HOMER1: variants seen among roughly 807,000 people sequenced by gnomAD.
The protein encoded by HOMER1 is homer protein homolog 1.
A neutral mutation model predicts 48.9 loss-of-function variants in HOMER1; 3 were observed. The ratio of observed to expected loss-of-function variants is 0.06; its 90% CI spans 0.03 to 0.16. The LOEUF is 0.16. HOMER1 is among the 10% of genes least tolerant of loss of function. The probability of loss-of-function intolerance (pLI) is 1.00; values close to 1 mark genes in which losing one functional copy is unlikely to be tolerated. For synonymous variants in HOMER1, 134 were observed against 146.4 expected (o/e 0.92, Z 0.61); for missense variants, 247 against 411.4 (o/e 0.60, Z 3.46).
intron 1 of HOMER1, among the ~76,000 whole-genome samples, chr5:79,460,511 C>CTAA (rs1369618150): frequency 6.6e-6 from 1 of 152,062 alleles, no homozygotes; most frequent in Non-Finnish European, 1.5e-5. Flanking sequence ...CAGAACCTTA[C>CTAA]TAAAGAATCG....
intron 5 of HOMER1, among the ~76,000 whole-genome samples, chr5:79,409,824 C>T (rs1399837804): frequency 6.6e-6 from 1 of 152,098 alleles, no homozygotes; most frequent in Admixed American, 6.5e-5. Context: ...AATGAGACAC[C>T]ACCTCACATC....
intron 4 of HOMER1, among the ~76,000 whole-genome samples, chr5:79,446,085 C>G (rs562783644): frequency 2.0e-5 from 3 of 152,282 alleles, no homozygotes; most frequent in African/African-American, 7.2e-5. Context: ...CTAGCTAATT[C>G]TTAAGGACAG....
At chr5:79,415,363 G>A (rs1561354915) in intron 5 of HOMER1, among the ~76,000 whole-genome samples, 1 of 151,856 alleles carries the variant, frequency 6.6e-6, no homozygotes, top group Non-Finnish European at 1.5e-5. Flanking sequence ...AGTTTTTAAA[G>A]AAACAATGTA....
chr5:79,378,342 G>A (rs1055669416), intron 8 of HOMER1, among the ~76,000 whole-genome samples: 2 of 151,150 alleles, frequency 1.3e-5, no homozygotes, highest in African/African-American at 4.9e-5. Context: ...GCAAGAGCCT[G>A]GGAAAATATA....
intron 8 of HOMER1, among the ~76,000 whole-genome samples, chr5:79,386,499 G>A (rs13177852): frequency 0.23 from 35,651 of 152,020 alleles, 5,765 homozygotes; most frequent in East Asian, 0.45. Flanking sequence ...AAAAAAGATC[G>A]GTGAATGGCT....
intron 3 of HOMER1, among the ~76,000 whole-genome samples, chr5:79,447,528 C>G (rs542655841): frequency 6.6e-6 from 1 of 152,200 alleles, no homozygotes; most frequent in African/African-American, 2.4e-5. Context: ...TCACAAGTAT[C>G]CACTTGTAAA....
At chr5:79,379,393 TATAA>T (rs1307320452) in intron 8 of HOMER1, among the ~76,000 whole-genome samples, 11 of 116,998 alleles carry the variant, frequency 9.4e-5, no homozygotes, top group South Asian at 2.3e-4. Flanking sequence ...TTATATATTA[TATAA>T]ATATTTATAT....
At chr5:79,503,752 ATC>A (rs1216503462) in intron 1 of HOMER1, among the ~76,000 whole-genome samples, 1 of 151,836 alleles carries the variant, frequency 6.6e-6, no homozygotes, top group Non-Finnish European at 1.5e-5. Flanking sequence ...AAAGAAGAAA[ATC>A]ATAAGTAAGA....
At chr5:79,474,966 T>C (rs1195645875) in intron 1 of HOMER1, among the ~76,000 whole-genome samples, 1 of 152,186 alleles carries the variant, frequency 6.6e-6, no homozygotes, top group South Asian at 2.1e-4. Context: ...ACAACTTCCA[T>C]CATTTGTCCC....
chr5:79,487,492 C>T (rs374700025), intron 1 of HOMER1, among the ~76,000 whole-genome samples: 1 of 151,984 alleles, frequency 6.6e-6, no homozygotes, highest in Non-Finnish European at 1.5e-5. Context: ...CTCAGCATGC[C>T]GAGATCTAGC....
intron 8 of HOMER1, among the ~76,000 whole-genome samples, chr5:79,378,224 A>AAAAAAAAAAC: frequency 7.4e-6 from 1 of 135,468 alleles, no homozygotes; most frequent in Non-Finnish European, 1.5e-5. Context: ...CTCTGTCTCA[A>AAAAAAAAAAC]AAAAAAAAAA....
intron 5 of HOMER1, among the ~76,000 whole-genome samples, chr5:79,402,651 C>A (rs1426961992): frequency 1.3e-5 from 2 of 152,038 alleles, no homozygotes; most frequent in East Asian, 3.9e-4. Flanking sequence ...GAGTTTCCAC[C>A]CATTCTCTTT....
At chr5:79,411,258 G>A (rs895656260) in intron 5 of HOMER1, among the ~76,000 whole-genome samples, 5 of 152,172 alleles carry the variant, frequency 3.3e-5, no homozygotes, top group Non-Finnish European at 7.3e-5. Flanking sequence ...GTAGAGGAGG[G>A]CAGATCGCTT....
chr5:79,510,325 T>C, intron 1 of HOMER1: 1 of 445,436 alleles, frequency 2.2e-6, no homozygotes, highest in South Asian at 1.9e-5. Context: ...AAATGCATGT[T>C]ATGTGTGGTG....
chr5:79,499,516 T>C (rs1752516573), intron 1 of HOMER1, among the ~76,000 whole-genome samples: 1 of 1,346 alleles, frequency 7.4e-4, no homozygotes, highest in Non-Finnish European at 1.4e-3. Context: ...TTGCTGTAAT[T>C]TGAAAAAACA....
intron 5 of HOMER1, among the ~76,000 whole-genome samples, chr5:79,408,954 C>T (rs531287949): frequency 4.7e-4 from 71 of 151,152 alleles, no homozygotes; most frequent in South Asian, 1.9e-3. Flanking sequence ...TGGTGGTGGG[C>T]GCCTGTAATC....
chr5:79,507,242 C>CA lies in HOMER1; in HGVS notation c.5+5527dup, dbSNP rs1210885766. Among the ~76,000 whole-genome samples the CA allele has an allele frequency of 6.6e-3, 684 of 104,346 alleles. 7 individuals are homozygous for CA. The highest frequency in any genetic ancestry group is 0.018 in the African/African-American group (508 of 28,372). The allele number at this position is 104,346 out of a possible 152,430, so 68.5% of individuals were successfully genotyped here. A position where few individuals can be genotyped will look rare whatever the true frequency, so the allele number is the denominator to read the frequency against. Reference sequence around the variant, plus strand: ...AAAAAAAAAAAAAAAAAAACCAAAACAAAAAAAAAACAGTTTTACCTACTC... The same window carrying CA: ...AAAAAAAAAAAAAAAAAAACCAAAACAAAAAAAAAAACAGTTTTACCTACTC... On this transcript the variant is annotated intron_variant, in intron 1 of 8. Transcript: ENST00000334082.
rs1024208830 is a variant in HOMER1 at position 79,374,059 on chromosome 5, A to G, written c.*1950T>C. On this transcript the variant is annotated 3_prime_UTR_variant, in exon 9 of 9. Transcript: ENST00000334082. ...TTAAATTTTTTTAACTCTTCATACTAAACTCCCTGATCCCTAGTGTTAAAT... is the reference window on the plus strand; with the variant it reads ...TTAAATTTTTTTAACTCTTCATACTGAACTCCCTGATCCCTAGTGTTAAAT... 2 of 152,336 alleles carry G rather than the reference A, an allele frequency of 1.3e-5. No homozygotes were observed. Among genetic ancestry groups the G allele is most frequent in the Non-Finnish European group, 2.9e-5 (2 of 67,854 alleles). The allele number at this position is 152,336 out of a possible 1,614,324, so 9.4% of individuals were successfully genotyped here. A position where few individuals can be genotyped will look rare whatever the true frequency, so the allele number is the denominator to read the frequency against.
intron 5 of HOMER1, 132 bp downstream of exon 5, chr5:79,438,876 TAA>T (rs78093840): frequency 0.062 from 29,318 of 469,992 alleles, no homozygotes; most frequent in East Asian, 0.089. Flanking sequence ...ACAGAAGCAG[TAA>T]AAAAAAAAAA....
Sources: gnomAD v4.1 joint callset for allele counts (sites outside exome capture counted in the v4.1 genomes callset) on GRCh38, gnomAD v4.1.1 for gene constraint, MANE v1.5 for transcripts, NCBI Gene and HGNC (gene_info 2026-07-23, HGNC 2026-07-21) for gene names.